The following AP1S1 variants were observed in gnomAD, a reference collection of about 807,000 sequenced individuals.
AP1S1 encodes the protein adaptor related protein complex 1 subunit sigma 1.
In AP1S1, 13 loss-of-function variants were observed where a neutral mutation model predicts 23.9. The observed-to-expected ratio is 0.54, with a 90% CI of 0.35 to 0.86. The LOEUF (loss-of-function observed/expected upper bound fraction) is 0.86, where lower values mean the gene tolerates loss of function less well. Ranked by LOEUF, AP1S1 falls within the 40% of genes least tolerant of loss-of-function variation. AP1S1 has a pLI of 0.01. For missense variants in AP1S1, 119 were observed against 197.6 expected, an observed-to-expected ratio of 0.60 and a Z score of 2.38; for synonymous variants, 84 against 77.7, an observed-to-expected ratio of 1.08 and a Z score of -0.43.
chr7:101,155,243 T>C (rs1796975211), intron 1 of AP1S1, among the ~76,000 whole-genome samples: 1 of 152,142 alleles, frequency 6.6e-6, no homozygotes, highest in Admixed American at 6.6e-5. Flanking sequence ...TCCTGAATTC[T>C]GATTTTTCAC....
At chr7:101,160,063 C>T (rs942312569) in intron 4 of AP1S1, among the ~76,000 whole-genome samples, 2 of 138,448 alleles carry the variant, frequency 1.4e-5, no homozygotes, top group East Asian at 4.0e-4. Context: ...ACCCTAATGA[C>T]GCATCTCCCT....
chr7:101,159,349 T>G, intron 4 of AP1S1, 153 bp downstream of exon 4: 1 of 1,166,152 alleles, frequency 8.6e-7, no homozygotes. Flanking sequence ...CTCTCCAGCT[T>G]ACTCTCAAGC....
intron 1 of AP1S1, chr7:101,155,119 C>A: frequency 2.5e-6 from 2 of 812,888 alleles, no homozygotes; most frequent in Non-Finnish European, 3.0e-6. Flanking sequence ...CCTTCCCATT[C>A]TCTTTCCGGA....
chr7:101,160,667 CCCT>C lies in AP1S1; in HGVS notation c.*106_*108del, dbSNP rs977405292. 2 of 1,374,732 alleles carry C rather than the reference CCCT, an allele frequency of 1.5e-6. No homozygotes were observed. Among genetic ancestry groups the C allele is most frequent in the African/African-American group, 1.4e-5 (1 of 70,362 alleles). 85.2% of individuals were successfully genotyped at this position (1,374,732 alleles called of 1,614,324 possible). A position where few individuals can be genotyped will look rare whatever the true frequency, so the allele number is the denominator to read the frequency against. ...CCTGTTCTTGGTGGGACTCGGCTGC[CCCT>C]CCTCTGCTGCCTCACCTTTCGGAGT... On this transcript the variant is annotated 3_prime_UTR_variant, in exon 5 of 5. Coordinates refer to ENST00000337619, the MANE Select transcript of AP1S1 (RefSeq NM_001283.5).
In AP1S1 at chr7:101,160,599, C is replaced by A; in HGVS notation, c.*33C>A. On this transcript the variant is annotated 3_prime_UTR_variant, in exon 5 of 5. Coordinates refer to ENST00000337619, the MANE Select transcript of AP1S1 (RefSeq NM_001283.5). ...TGGGCCGGGGTGTGGCGATGGGGTC[C>A]TGGCAGCGTGGCGGGAACGGCTGCT... is the stretch of plus-strand genomic sequence containing the variant. The A allele has an allele frequency of 6.2e-7, 1 of 1,608,010 alleles. No homozygotes were observed. The highest frequency in any genetic ancestry group is 8.5e-7 in the Non-Finnish European group (1 of 1,178,990).
In AP1S1 at chr7:101,160,707, T is replaced by G. The variant is rs765706604; in HGVS notation, c.*141T>G. On this transcript the variant is annotated 3_prime_UTR_variant, in exon 5 of 5. Coordinates refer to ENST00000337619, the MANE Select transcript of AP1S1 (RefSeq NM_001283.5). ...TCACCTTTCGGAGTGAGCTGTGGGC[T>G]CAGGCCCTTCAAACATTCCCTCCCT... 9 of 985,632 alleles carry G rather than the reference T, an allele frequency of 9.1e-6. No homozygotes were observed. Among genetic ancestry groups the G allele is most frequent in the Non-Finnish European group, 1.4e-5 (9 of 637,534 alleles). The allele number at this position is 985,632 out of a possible 1,614,324, so 61.1% of individuals were successfully genotyped here.
At chr7:101,155,038 C>G in intron 1 of AP1S1, 4 of 987,424 alleles carry the variant, frequency 4.1e-6, no homozygotes, top group Non-Finnish European at 4.8e-6. Context: ...GGTAGGGAAG[C>G]GAAGTGGACT....
intron 1 of AP1S1, chr7:101,155,053 G>A: frequency 4.1e-6 from 4 of 986,034 alleles, no homozygotes; most frequent in Non-Finnish European, 4.8e-6. Context: ...TGGACTCGTG[G>A]TTTTTCTCCG....
At chr7:101,157,194 T>C (rs1228688371) in intron 2 of AP1S1, among the ~76,000 whole-genome samples, 183 bp from the exon 3 acceptor site, 2 of 152,190 alleles carry the variant, frequency 1.3e-5, no homozygotes, top group Non-Finnish European at 2.9e-5. Flanking sequence ...AAAGCATGCG[T>C]TCTTTGCATG....
intron 3 of AP1S1, 120 bp from the exon 4 acceptor site, chr7:101,158,939 T>C (rs377422973): frequency 1.2e-5 from 16 of 1,330,380 alleles, no homozygotes; most frequent in East Asian, 9.5e-5. Flanking sequence ...CTGAAAAAGC[T>C]GACCAATGAC....
chr7:101,154,639 C>A (rs1721430163), intron 1 of AP1S1, 122 bp downstream of exon 1: 2 of 1,336,698 alleles, frequency 1.5e-6, no homozygotes, highest in African/African-American at 1.5e-5. Flanking sequence ...CAGAGGCCTC[C>A]CTTGCCTCGG....
intron 1 of AP1S1, 45 bp from the exon 2 acceptor site, chr7:101,156,549 G>T (rs764391064): frequency 8.9e-6 from 14 of 1,568,982 alleles, no homozygotes; most frequent in East Asian, 2.3e-5. Flanking sequence ...GATAAGTTTG[G>T]GGAATGTGTG....
intron 4 of AP1S1, among the ~76,000 whole-genome samples, chr7:101,159,986 GCA>G (rs914455706): frequency 1.7e-4 from 24 of 144,486 alleles, no homozygotes; most frequent in East Asian, 2.0e-4. Flanking sequence ...ACCCTGGCGC[GCA>G]CACACACACA....
At chr7:101,155,109 C>T (rs758681301) in intron 1 of AP1S1, 9 of 828,658 alleles carry the variant, frequency 1.1e-5, no homozygotes, top group Middle Eastern at 6.0e-4. Flanking sequence ...TCTCTGCCCC[C>T]CTTCCCATTC....
intron 1 of AP1S1, among the ~76,000 whole-genome samples, chr7:101,155,363 C>G (rs547977842): frequency 6.6e-6 from 1 of 152,294 alleles, no homozygotes; most frequent in South Asian, 2.1e-4. Context: ...GCCCAGACCC[C>G]CCGGAACTGG....
intron 1 of AP1S1, 24 bp downstream of exon 1, chr7:101,154,541 G>C (rs1796958991): frequency 6.4e-7 from 1 of 1,564,388 alleles, no homozygotes; most frequent in African/African-American, 1.4e-5. Context: ...AGAGGGAGGG[G>C]AGGGGGAAGC....
chr7:101,156,304 T>C (rs751574468), intron 1 of AP1S1: 33 of 287,486 alleles, frequency 1.1e-4, no homozygotes, highest in Non-Finnish European at 1.9e-4. Flanking sequence ...ATCAAATCAT[T>C]TAGTCTCACC....
chr7:101,157,568 G>C, intron 3 of AP1S1, 83 bp downstream of exon 3: 5 of 1,093,688 alleles, frequency 4.6e-6, no homozygotes, highest in Non-Finnish European at 6.8e-6. Context: ...TCCAGTCTCT[G>C]CCCTGGAAGT....
intron 1 of AP1S1, chr7:101,155,167 C>A (rs928806710): frequency 5.3e-6 from 2 of 376,174 alleles, no homozygotes; most frequent in Non-Finnish European, 7.3e-6. Flanking sequence ...TCCCCACCCC[C>A]CTATTTGAGC....
Sources: allele counts gnomAD v4.1 joint callset (sites outside exome capture counted in the v4.1 genomes callset), GRCh38; gene constraint gnomAD v4.1.1; transcripts MANE v1.5; gene names NCBI Gene and HGNC (gene_info 2026-07-23, HGNC 2026-07-21).